The following ARB2A variants were observed in gnomAD, a reference collection of about 807,000 sequenced individuals.
The protein encoded by ARB2A is ARB2 cotranscriptional regulator A, also known as cotranscriptional regulator ARB2A.
At chr5:94,046,595 C>T in the ARB2A span, among the ~76,000 whole-genome samples, 2 of 152,202 alleles carry the variant, frequency 1.3e-5, no homozygotes, top group Non-Finnish European at 2.9e-5. Context: ...CAAGGGGACT[C>T]CCTGCCCTTG....
the ARB2A span, chr5:94,055,859 C>T: frequency 3.8e-5 from 37 of 985,324 alleles, no homozygotes; most frequent in Non-Finnish European, 4.2e-5. Context: ...CATACATAAG[C>T]AGATCTTGCT....
chr5:94,093,501 G>A, the ARB2A span, among the ~76,000 whole-genome samples: 1 of 152,120 alleles, frequency 6.6e-6, no homozygotes, highest in Non-Finnish European at 1.5e-5. Context: ...ACTAATCCTA[G>A]TGGATCAGGG....
At chr5:93,670,869 T>C in the ARB2A span, among the ~76,000 whole-genome samples, 1 of 152,246 alleles carries the variant, frequency 6.6e-6, no homozygotes, top group African/African-American at 2.4e-5. Flanking sequence ...TCCAAATTAC[T>C]TTCATTTACA....
chr5:93,948,896 G>A, the ARB2A span, among the ~76,000 whole-genome samples: 1 of 152,164 alleles, frequency 6.6e-6, no homozygotes, highest in Admixed American at 6.5e-5. Context: ...CCTCTAAGCA[G>A]TGAACTGATT....
chr5:93,659,876 C>T, the ARB2A span, among the ~76,000 whole-genome samples: 3 of 152,124 alleles, frequency 2.0e-5, no homozygotes, highest in African/African-American at 7.2e-5. Context: ...TACCCCTACT[C>T]TTCTTTCACA....
the ARB2A span, among the ~76,000 whole-genome samples, chr5:93,819,014 C>A: frequency 6.6e-6 from 1 of 151,236 alleles, no homozygotes; most frequent in East Asian, 1.9e-4. Flanking sequence ...GGTGAAACCC[C>A]GTCTCTACTA....
the ARB2A span, among the ~76,000 whole-genome samples, chr5:94,092,232 AC>A: frequency 6.6e-6 from 1 of 152,054 alleles, no homozygotes; most frequent in East Asian, 1.9e-4. Context: ...TGTGGTCCCA[AC>A]TACTCAGGAG....
At chr5:94,052,154 T>G in the ARB2A span, among the ~76,000 whole-genome samples, 1 of 152,144 alleles carries the variant, frequency 6.6e-6, no homozygotes, top group South Asian at 2.1e-4. Flanking sequence ...ATTATCAGCA[T>G]GTTTATAAGG....
chr5:93,637,730 A>G, the ARB2A span, among the ~76,000 whole-genome samples: 3,828 of 152,296 alleles, frequency 0.025, 157 homozygotes, highest in African/African-American at 0.086. Flanking sequence ...GCCTTTACAT[A>G]GAAATTTAGA....
the ARB2A span, among the ~76,000 whole-genome samples, chr5:93,912,158 G>C: frequency 6.6e-6 from 1 of 151,616 alleles, no homozygotes; most frequent in African/African-American, 2.4e-5. Context: ...TTTTTCATTT[G>C]ATGAGTCAGT....
At chr5:93,913,298 T>C in the ARB2A span, among the ~76,000 whole-genome samples, 1 of 151,914 alleles carries the variant, frequency 6.6e-6, no homozygotes, top group African/African-American at 2.4e-5. Context: ...TTTGATGCTC[T>C]TACTCTCCCA....
chr5:93,731,281 G>A, the ARB2A span, among the ~76,000 whole-genome samples: 1 of 152,022 alleles, frequency 6.6e-6, no homozygotes, highest in African/African-American at 2.4e-5. Context: ...AGGTCCTAAT[G>A]CAATATCACT....
chr5:93,873,437 A>C, the ARB2A span, among the ~76,000 whole-genome samples: 1 of 151,284 alleles, frequency 6.6e-6, no homozygotes, highest in Non-Finnish European at 1.5e-5. Context: ...AGGAAAGGAA[A>C]GGGAAAGGAA....
the ARB2A span, among the ~76,000 whole-genome samples, chr5:93,963,929 A>T: frequency 6.6e-6 from 1 of 151,950 alleles, no homozygotes; most frequent in Non-Finnish European, 1.5e-5. Flanking sequence ...TTCACTCTGA[A>T]ATGTCAAAAT....
At chr5:94,085,741 T>C in the ARB2A span, among the ~76,000 whole-genome samples, 1 of 152,126 alleles carries the variant, frequency 6.6e-6, no homozygotes, top group Non-Finnish European at 1.5e-5. Context: ...TGTTCTCCAA[T>C]TATAGGAGAG....
chr5:93,622,799 T>G, the ARB2A span, among the ~76,000 whole-genome samples: 1 of 152,226 alleles, frequency 6.6e-6, no homozygotes, highest in Non-Finnish European at 1.5e-5. Flanking sequence ...TTTATCTTGT[T>G]AAATCCTAAA....
the ARB2A span, among the ~76,000 whole-genome samples, chr5:93,842,986 C>T: frequency 2.6e-5 from 4 of 152,196 alleles, no homozygotes; most frequent in Admixed American, 2.6e-4. Flanking sequence ...GGCCTTCATC[C>T]CTTCTAAACT....
At chr5:93,793,474 A>G in the ARB2A span, among the ~76,000 whole-genome samples, 2 of 151,860 alleles carry the variant, frequency 1.3e-5, no homozygotes, top group Non-Finnish European at 1.5e-5. Flanking sequence ...TTATAAAACC[A>G]GTAAGGATTT....
the ARB2A span, among the ~76,000 whole-genome samples, chr5:93,678,671 G>T: frequency 1.3e-4 from 19 of 151,948 alleles, no homozygotes; most frequent in Non-Finnish European, 2.5e-4. Context: ...CAGGAGAATC[G>T]CTTGAACCCA....
Sources: allele counts gnomAD v4.1 joint callset (sites outside exome capture counted in the v4.1 genomes callset), GRCh38; gene constraint gnomAD v4.1.1; transcripts MANE v1.5; gene names NCBI Gene and HGNC (gene_info 2026-07-23, HGNC 2026-07-21).